TTC39B: variants seen among roughly 807,000 people sequenced by gnomAD.
The protein encoded by TTC39B is tetratricopeptide repeat domain 39B, also known as tetratricopeptide repeat protein 39B.
TTC39B carries 92 observed loss-of-function variants against 96.6 expected under a neutral mutation model. That is an observed-to-expected ratio of 0.95 (90% CI 0.80 to 1.13). The LOEUF is 1.13. Among genes scored for constraint, TTC39B ranks in the 50% most tolerant of loss-of-function variants. TTC39B has a pLI of 0.00. For missense variants in TTC39B, 955 were observed against 809.3 expected, an observed-to-expected ratio of 1.18 and a Z score of -2.18; for synonymous variants, 367 against 299.4, an observed-to-expected ratio of 1.23 and a Z score of -2.33.
intron 1 of TTC39B, among the ~76,000 whole-genome samples, chr9:15,280,989 T>C (rs1281576070): frequency 1.3e-5 from 2 of 152,154 alleles, no homozygotes. Context: ...CAAACAGTAT[T>C]GAGAAGAATA....
At chr9:15,284,351 C>T (rs914759679) in intron 1 of TTC39B, among the ~76,000 whole-genome samples, 3 of 152,196 alleles carry the variant, frequency 2.0e-5, no homozygotes, top group Non-Finnish European at 2.9e-5. Context: ...TTTAAACACA[C>T]ATACATTGAC....
chr9:15,227,019 G>T (rs1330466856), intron 2 of TTC39B, among the ~76,000 whole-genome samples: 1 of 152,040 alleles, frequency 6.6e-6, no homozygotes, highest in African/African-American at 2.4e-5. Flanking sequence ...TTAATTCTAA[G>T]ATGTACAATG....
intron 3 of TTC39B, among the ~76,000 whole-genome samples, chr9:15,214,549 A>T (rs144514963): frequency 6.6e-6 from 1 of 152,316 alleles, no homozygotes; most frequent in Non-Finnish European, 1.5e-5. Flanking sequence ...AGTGCAAAAT[A>T]ACTGTTGTCT....
chr9:15,201,313 A>T (rs1216931100), intron 7 of TTC39B, among the ~76,000 whole-genome samples: 1 of 152,078 alleles, frequency 6.6e-6, no homozygotes, highest in African/African-American at 2.4e-5. Flanking sequence ...ACTTAAACTT[A>T]ATGCCTATTT....
chr9:15,302,574 T>G (rs1431074925), intron 1 of TTC39B, among the ~76,000 whole-genome samples: 2 of 133,196 alleles, frequency 1.5e-5, no homozygotes, highest in Non-Finnish European at 3.1e-5. Flanking sequence ...GCCGGTGCAG[T>G]GGCTCACACC....
exon 16 of TTC39B, chr9:15,185,366 T>A: frequency 6.2e-7 from 1 of 1,613,922 alleles, no homozygotes; most frequent in Non-Finnish European, 8.5e-7. Flanking sequence ...TCAGTAGGGA[T>A]AGATTTCCCG....
intron 1 of TTC39B, among the ~76,000 whole-genome samples, chr9:15,283,630 G>A (rs1367794869): frequency 6.6e-6 from 1 of 152,140 alleles, no homozygotes; most frequent in East Asian, 1.9e-4. Flanking sequence ...AAAAAAAATT[G>A]TAGGATTTGC....
At chr9:15,242,309 C>T (rs1235467430) in intron 2 of TTC39B, among the ~76,000 whole-genome samples, 1 of 152,184 alleles carries the variant, frequency 6.6e-6, no homozygotes, top group Admixed American at 6.5e-5. Flanking sequence ...AGGCTGGGCA[C>T]AGTGGCTCAT....
chr9:15,181,736 C>G (rs1489131782), intron 17 of TTC39B, among the ~76,000 whole-genome samples: 1 of 152,188 alleles, frequency 6.6e-6, no homozygotes, highest in Non-Finnish European at 1.5e-5. Flanking sequence ...ACAGCAAACT[C>G]AACCCAGAGG....
chr9:15,230,597 C>A (rs1158489815), intron 2 of TTC39B, among the ~76,000 whole-genome samples: 1 of 152,162 alleles, frequency 6.6e-6, no homozygotes, highest in Non-Finnish European at 1.5e-5. Flanking sequence ...CATTGTATAG[C>A]TATACCACAT....
At chr9:15,249,856 G>C (rs1034087832) in intron 2 of TTC39B, 8 of 1,151,428 alleles carry the variant, frequency 6.9e-6, no homozygotes, top group Non-Finnish European at 7.6e-6. Flanking sequence ...AACCCTCATA[G>C]ATTTAAAGAG....
rs1206543738 is a variant in TTC39B at position 15,273,320 on chromosome 9, A to G, written c.241-5372T>C. Among the ~76,000 whole-genome samples, 3 of 152,236 alleles carry G rather than the reference A, an allele frequency of 2.0e-5. No homozygotes were observed. The East Asian group carries it at 5.8e-4, about 29-fold the overall frequency. On this transcript the variant is annotated intron_variant, in intron 1 of 19. Coordinates refer to ENST00000512701, the Ensembl canonical transcript of TTC39B. ...GGCCTCCCTATCTGATTTTTAATTC[A>G]CTTCGTGGTTTGAAAAGGAATATGT...
intron 2 of TTC39B, among the ~76,000 whole-genome samples, chr9:15,265,405 C>G (rs947891253): frequency 3.3e-5 from 5 of 152,138 alleles, no homozygotes; most frequent in Admixed American, 1.3e-4. Flanking sequence ...TGCTAGCTCC[C>G]GCTGGGAAAA....
chr9:15,185,665 T>A (rs534820775), intron 15 of TTC39B: 1 of 374,502 alleles, frequency 2.7e-6, no homozygotes, highest in South Asian at 3.6e-5. Flanking sequence ...AACCACTGAC[T>A]GACACATATT....
intron 17 of TTC39B, among the ~76,000 whole-genome samples, chr9:15,179,545 T>C (rs540739851): frequency 1.9e-4 from 29 of 152,350 alleles, no homozygotes; most frequent in African/African-American, 6.7e-4. Context: ...TTTTCTATTA[T>C]TTATTTAGAA....
intron 16 of TTC39B, among the ~76,000 whole-genome samples, chr9:15,185,055 G>A (rs76849312): frequency 0.015 from 2,271 of 152,270 alleles, 61 homozygotes; most frequent in African/African-American, 0.052. Context: ...AAAATGATAC[G>A]TTTTTAGTAG....
chr9:15,202,326 G>A (rs952103642), intron 7 of TTC39B, among the ~76,000 whole-genome samples: 1 of 152,120 alleles, frequency 6.6e-6, no homozygotes, highest in African/African-American at 2.4e-5. Context: ...TAGGAAACAG[G>A]GTCATGGGCT....
At chr9:15,298,240 T>C (rs1365711008) in intron 1 of TTC39B, among the ~76,000 whole-genome samples, 1 of 152,154 alleles carries the variant, frequency 6.6e-6, no homozygotes, top group East Asian at 1.9e-4. Flanking sequence ...AGTTATACCA[T>C]CAGCTTCCAT....
intron 15 of TTC39B, 171 bp downstream of exon 15, chr9:15,186,773 G>A: frequency 1.7e-6 from 1 of 594,240 alleles, no homozygotes; most frequent in Non-Finnish European, 3.0e-6. Context: ...CAGCTCACTT[G>A]CAACCTCCAC....
Sources: allele counts gnomAD v4.1 joint callset (sites outside exome capture counted in the v4.1 genomes callset), GRCh38; gene constraint gnomAD v4.1.1; transcripts MANE v1.5; gene names NCBI Gene and HGNC (gene_info 2026-07-23, HGNC 2026-07-21).